TTLL11: variants seen among roughly 807,000 people sequenced by gnomAD.
The protein encoded by TTLL11 is tubulin polyglutamylase TTLL11.
TTLL11 carries 42 observed loss-of-function variants against 51.7 expected under a neutral mutation model. The ratio of observed to expected loss-of-function variants is 0.81; its 90% CI spans 0.64 to 1.05. The LOEUF is 1.05. Among genes scored for constraint, TTLL11 ranks in the 50% least tolerant of loss-of-function variants. TTLL11 has a pLI of 0.00. For missense variants in TTLL11, 799 were observed against 940.4 expected, an observed-to-expected ratio of 0.85 and a Z score of 1.97; for synonymous variants, 381 against 383.5, an observed-to-expected ratio of 0.99 and a Z score of 0.08.
At chr9:121,826,515 GTA>G (rs771711221) in intron 8 of TTLL11, among the ~76,000 whole-genome samples, 3,107 of 34,330 alleles carry the variant, frequency 0.091, 240 homozygotes, top group African/African-American at 0.14. Flanking sequence ...ATATATATAT[GTA>G]TATATATATA....
At chr9:121,828,173 C>CT (rs10708592) in intron 8 of TTLL11, among the ~76,000 whole-genome samples, 31,183 of 137,224 alleles carry the variant, frequency 0.23, 3,886 homozygotes, top group Middle Eastern at 0.38. Flanking sequence ...ACACATTGAA[C>CT]TTTTTTTTTT....
intron 1 of TTLL11, among the ~76,000 whole-genome samples, chr9:122,055,457 C>T (rs60830919): frequency 0.044 from 6,665 of 152,230 alleles, 300 homozygotes; most frequent in Admixed American, 0.12. Flanking sequence ...GCTTTATATT[C>T]TAGATGCCCT....
At chr9:122,070,324 C>T (rs977880424) in intron 1 of TTLL11, among the ~76,000 whole-genome samples, 2 of 152,128 alleles carry the variant, frequency 1.3e-5, no homozygotes, top group African/African-American at 2.4e-5. Flanking sequence ...ACAACTACCT[C>T]GGGCTGTTAG....
chr9:121,958,722 G>A (rs1842107173), intron 6 of TTLL11, among the ~76,000 whole-genome samples: 1 of 152,202 alleles, frequency 6.6e-6, no homozygotes, highest in Non-Finnish European at 1.5e-5. Context: ...CCTTGCCTGT[G>A]AAATGGGAAG....
intron 8 of TTLL11, among the ~76,000 whole-genome samples, chr9:121,854,949 C>G (rs1588072156): frequency 6.6e-6 from 1 of 152,114 alleles, no homozygotes; most frequent in East Asian, 1.9e-4. Context: ...TGACAATTAA[C>G]ATTGGCATGC....
chr9:121,841,637 T>C (rs972404564), intron 8 of TTLL11, among the ~76,000 whole-genome samples: 21 of 152,132 alleles, frequency 1.4e-4, no homozygotes, highest in Non-Finnish European at 3.1e-4. Flanking sequence ...CTGAGTCACG[T>C]GGCAGCTGCA....
At position 121,989,961 on chromosome 9, in the gene TTLL11, C is replaced by T. The variant is rs936943388; in HGVS notation, c.694-191G>A. ...GAGATGGTGACATCAGGACTGTCCC[C>T]AGTCTTGTGCTCCAGAGCGAGGTGG... On this transcript the variant is annotated intron_variant, in intron 3 of 8. Coordinates refer to ENST00000321582, the MANE Select transcript of TTLL11 (RefSeq NM_001139442.2). The surrounding 1 kb of genome is among the most constrained non-coding windows in gnomAD (Gnocchi z 4.2). 2.0e-5 allele frequency among the ~76,000 whole-genome samples: 3 copies of T among 152,302 alleles called. No individual in the cohort carries two copies. The highest frequency in any genetic ancestry group is 2.0e-4 in the Admixed American group (3 of 15,298).
chr9:121,893,272 G>A (rs886972553), intron 6 of TTLL11, among the ~76,000 whole-genome samples: 12 of 151,866 alleles, frequency 7.9e-5, no homozygotes, highest in African/African-American at 2.2e-4. Context: ...ACGTACCTAC[G>A]ACCATTGTTA....
intron 3 of TTLL11, among the ~76,000 whole-genome samples, chr9:122,028,763 T>C (rs974014861): frequency 7.9e-5 from 12 of 152,162 alleles, no homozygotes; most frequent in African/African-American, 2.7e-4. Context: ...AGATGGACAA[T>C]GTGTAAGCCA....
chr9:122,058,197 C>T (rs896544640), intron 1 of TTLL11, among the ~76,000 whole-genome samples: 1 of 152,206 alleles, frequency 6.6e-6, no homozygotes, highest in African/African-American at 2.4e-5. Flanking sequence ...GGCAGGAACA[C>T]CTTCATGATT....
At chr9:122,020,893 A>G (rs10985487) in intron 3 of TTLL11, among the ~76,000 whole-genome samples, 6,702 of 152,336 alleles carry the variant, frequency 0.044, 172 homozygotes, top group African/African-American at 0.073. Context: ...CTGTGAGAAA[A>G]AAAAGTTTGT....
chr9:121,942,947 C>T (rs146666184), intron 6 of TTLL11, among the ~76,000 whole-genome samples: 256 of 152,268 alleles, frequency 1.7e-3, no homozygotes, highest in African/African-American at 5.9e-3. Flanking sequence ...GCTGTTCCCA[C>T]GCCCTTTCAT....
intron 8 of TTLL11, among the ~76,000 whole-genome samples, chr9:121,840,115 C>A (rs1020478993): frequency 2.0e-5 from 3 of 152,118 alleles, no homozygotes; most frequent in Non-Finnish European, 4.4e-5. Context: ...CATTAACATG[C>A]AAATTGCCTT....
chr9:121,912,242 A>C lies in TTLL11; in HGVS notation c.1482-41494T>G, dbSNP rs186545815. On this transcript the variant is annotated intron_variant, in intron 6 of 8. Transcript: ENST00000321582. The stretch of plus-strand genomic sequence containing the variant: ...GGGTAACGGTGGAATTTCCTTTTGG[A>C]AGAGACGCCTTCTGGTATGGAGGCC... Among the ~76,000 whole-genome samples, 116 of 152,314 alleles carry C rather than the reference A, an allele frequency of 7.6e-4. 1 individual carries two copies. Among genetic ancestry groups the C allele is most frequent in the Middle Eastern group, 6.8e-3 (2 of 294 alleles).
At chr9:121,997,134 T>C (rs1053985624) in intron 3 of TTLL11, among the ~76,000 whole-genome samples, 14 of 152,158 alleles carry the variant, frequency 9.2e-5, no homozygotes, top group Non-Finnish European at 1.2e-4. Context: ...GACCCTGCTT[T>C]TGGAGAACAG....
intron 1 of TTLL11, among the ~76,000 whole-genome samples, chr9:122,051,525 T>G (rs1206668697): frequency 6.6e-6 from 1 of 152,214 alleles, no homozygotes; most frequent in East Asian, 1.9e-4. Context: ...ACTGCCTGCT[T>G]GTTGCTCATC....
At chr9:121,904,894 C>T (rs1028201686) in intron 6 of TTLL11, among the ~76,000 whole-genome samples, 5 of 152,312 alleles carry the variant, frequency 3.3e-5, no homozygotes, top group Admixed American at 1.3e-4. Flanking sequence ...ATGAGGCCAC[C>T]AGCGTCTAGT....
At chr9:121,836,366 T>C (rs1837179207) in intron 8 of TTLL11, among the ~76,000 whole-genome samples, 2 of 152,148 alleles carry the variant, frequency 1.3e-5, no homozygotes, top group Non-Finnish European at 2.9e-5. Flanking sequence ...CTGAAGGGCA[T>C]GGGTTGCCCT....
At chr9:121,997,143 A>G (rs1206829383) in intron 3 of TTLL11, among the ~76,000 whole-genome samples, 1 of 152,216 alleles carries the variant, frequency 6.6e-6, no homozygotes, top group Non-Finnish European at 1.5e-5. Flanking sequence ...TTTGGAGAAC[A>G]GCAGCCTTCT....
Sources: gnomAD v4.1 joint callset for allele counts (sites outside exome capture counted in the v4.1 genomes callset) on GRCh38, gnomAD v4.1.1 for gene constraint, Gnocchi (gnomAD v3.1) non-coding constraint, MANE v1.5 for transcripts, NCBI Gene and HGNC (gene_info 2026-07-23, HGNC 2026-07-21) for gene names.